The following CCT2 variants were observed in gnomAD, a reference collection of about 807,000 sequenced individuals.
CCT2 encodes chaperonin containing TCP1 subunit 2.
CCT2 carries 18 observed loss-of-function variants against 61.8 expected under a neutral mutation model. The observed-to-expected ratio is 0.29, with a 90% confidence interval of 0.20 to 0.43. The LOEUF is 0.43. Among genes scored for constraint, CCT2 ranks in the 20% least tolerant of loss-of-function variants. The pLI, the probability that CCT2 is intolerant of heterozygous loss-of-function variation, is 1.00. For missense variants in CCT2, 556 were observed against 656.9 expected (o/e 0.85, Z 1.68); for synonymous variants, 248 against 215.9 (o/e 1.15, Z -1.30).
intron 10 of CCT2, 71 bp downstream of exon 10, chr12:69,593,684 G>A (rs764908037): frequency 2.9e-4 from 255 of 887,188 alleles, no homozygotes; most frequent in Non-Finnish European, 4.5e-4. Flanking sequence ...GTTACTATAT[G>A]CAACTACCTT....
chr12:69,588,054 C>A, intron 5 of CCT2, 48 bp downstream of exon 5: 1 of 1,547,108 alleles, frequency 6.5e-7, no homozygotes, highest in South Asian at 1.1e-5. Flanking sequence ...TTTTGAGTAT[C>A]AGAGGTAATC....
At chr12:69,585,708 G>A (rs564805236) in intron 1 of CCT2, 184 bp downstream of exon 1, 8 of 1,484,470 alleles carry the variant, frequency 5.4e-6, no homozygotes, top group East Asian at 5.0e-5. Context: ...CTCACCACGA[G>A]GGGGAGGGGT....
intron 8 of CCT2, 45 bp downstream of exon 8, chr12:69,592,204 G>A: frequency 8.9e-7 from 1 of 1,118,712 alleles, no homozygotes; most frequent in Non-Finnish European, 1.3e-6. Context: ...TGCCCAGGCA[G>A]AGTGGCTCAT....
chr12:69,588,077 C>G, intron 5 of CCT2, 71 bp downstream of exon 5: 1 of 1,541,782 alleles, frequency 6.5e-7, no homozygotes, highest in South Asian at 1.1e-5. Context: ...GTCCTTACTT[C>G]CTCTGTCTTT....
chr12:69,589,417 A>G, intron 6 of CCT2, 68 bp from the exon 7 acceptor site: 2 of 1,067,108 alleles, frequency 1.9e-6, no homozygotes, highest in Non-Finnish European at 2.8e-6. Flanking sequence ...ATCTATTGAC[A>G]TGAATATCTA....
intron 2 of CCT2, 85 bp downstream of exon 2, chr12:69,586,429 AG>A: frequency 1.1e-6 from 1 of 935,238 alleles, no homozygotes; most frequent in Non-Finnish European, 1.7e-6. Flanking sequence ...GTACTTTGGG[AG>A]GCCGAGGTAG....
In CCT2 at chr12:69,598,039, G is replaced by A; in HGVS notation, c.1303G>A (p.Ala435Thr). The A allele has an allele frequency of 1.2e-6, 2 of 1,613,580 alleles. No individual in the cohort carries two copies. Among genetic ancestry groups the A allele is most frequent in the Non-Finnish European group, 1.7e-6 (2 of 1,179,554 alleles). The change falls in exon 13 of 16, where the codon GCA becomes ACA. Residue 435 changes from alanine to threonine, a missense_variant. Transcript: ENST00000299300. ...ANRTPGKEAV[A>T]MESYAKALRM... ...TAGAACACCAGGCAAAGAAGCTGTT[G>A]CAATGGAGTCTTATGCTAAAGCACT...
intron 7 of CCT2, among the ~76,000 whole-genome samples, chr12:69,591,006 A>G (rs1881819418): frequency 6.6e-6 from 1 of 152,184 alleles, no homozygotes; most frequent in African/African-American, 2.4e-5. Flanking sequence ...GGCGTGAGCC[A>G]CCATGCCTGG....
In CCT2 at chr12:69,588,242, G is replaced by A. The variant is rs1373148284; in HGVS notation, c.426G>A (p.Leu142=). Residue 142 remains leucine, a synonymous_variant, in exon 6 of 16, where the codon TTG becomes TTA. Transcript: ENST00000299300. Reference sequence around the variant, plus strand: ...CGAAGGCTGCAAGAGAGGCGCTGTTGAGTTCTGCAGTTGATCATGGGTTTG... The same window carrying A: ...CGAAGGCTGCAAGAGAGGCGCTGTTAAGTTCTGCAGTTGATCATGGGTTTG... ...EATKAAREAL[L]SSAVDHGSDE... 3 of 1,613,306 alleles carry A rather than the reference G, an allele frequency of 1.9e-6. No homozygotes were observed. In the Admixed American group the frequency reaches 5.0e-5, roughly 27 times the overall value.
intron 11 of CCT2, 23 bp downstream of exon 11, chr12:69,597,298 G>C: frequency 6.2e-7 from 1 of 1,611,812 alleles, no homozygotes; most frequent in Non-Finnish European, 8.5e-7. Flanking sequence ...GTAGATCCTG[G>C]TTAGGGTGTC....
At chr12:69,586,000 T>G in intron 1 of CCT2, 1 of 1,344,964 alleles carries the variant, frequency 7.4e-7, no homozygotes, top group Non-Finnish European at 9.5e-7. Flanking sequence ...AGATCGTCTT[T>G]AGTCTCGCTG....
intron 8 of CCT2, chr12:69,592,511 G>T: frequency 5.6e-6 from 1 of 178,038 alleles, no homozygotes. Flanking sequence ...AAAAATTGCT[G>T]GATTCTATAA....
Position 69,593,628 on chromosome 12 carries a change from T to C in CCT2, c.982+15T>C. The C allele has an allele frequency of 6.8e-7, 1 of 1,476,630 alleles. No homozygotes were observed. Among genetic ancestry groups the C allele is most frequent in the Non-Finnish European group, 9.5e-7 (1 of 1,057,788 alleles). The allele number at this position is 1,476,630 out of a possible 1,614,324, so 91.5% of individuals were successfully genotyped here. A position where few individuals can be genotyped will look rare whatever the true frequency, so the allele number is the denominator to read the frequency against. On this transcript the variant is annotated intron_variant, in intron 10 of 15. Coordinates refer to ENST00000299300, the MANE Select transcript of CCT2 (RefSeq NM_006431.3). ...TCTTGTCACAGGTATGGAAAAAAGGTATTGTTTTCTAACAAACACAATAGT... is the reference window on the plus strand; with the variant it reads ...TCTTGTCACAGGTATGGAAAAAAGGCATTGTTTTCTAACAAACACAATAGT...
chr12:69,591,402 C>T (rs951759476), intron 7 of CCT2, among the ~76,000 whole-genome samples: 1 of 152,096 alleles, frequency 6.6e-6, no homozygotes, highest in Non-Finnish European at 1.5e-5. Flanking sequence ...GTTATATAGC[C>T]AGCAGCAGGG....
At position 69,587,952 on chromosome 12, in the gene CCT2, T is replaced by G; in HGVS notation, c.279T>G (p.Asp93Glu). The change falls in exon 5 of 16, where the codon GAT becomes GAG. Residue 93 changes from aspartate to glutamate, a missense_variant. Asp to Glu is a conservative substitution (Grantham distance 45). Transcript: ENST00000299300. The part of the protein sequence containing the change: ...VLVDMSRVQD[D>E]EVGDGTTSVT... ...TAGATATGTCAAGGGTTCAAGATGATGAAGTTGGTGATGGCACTACCTCTG... is the reference window on the plus strand; with the variant it reads ...TAGATATGTCAAGGGTTCAAGATGAGGAAGTTGGTGATGGCACTACCTCTG... 6.2e-7 allele frequency: 1 copy of G among 1,613,388 alleles called. No individual in the cohort carries two copies. The highest frequency in any genetic ancestry group is 8.5e-7 in the Non-Finnish European group (1 of 1,179,326).
chr12:69,592,606 T>C (rs1471535898), intron 8 of CCT2: 1 of 189,924 alleles, frequency 5.3e-6, no homozygotes, highest in African/African-American at 2.4e-5. Flanking sequence ...GGTAAAAATG[T>C]TGAAATATGC....
intron 14 of CCT2, chr12:69,599,605 T>TC (rs1882090970): frequency 4.8e-6 from 1 of 210,512 alleles, no homozygotes; most frequent in South Asian, 1.6e-4. Flanking sequence ...CAGGCTGGTC[T>TC]CCAACTCCTG....
At position 69,601,569 on chromosome 12, in the gene CCT2, T is replaced by TA. The variant is rs1339025122; in HGVS notation, c.*245dup. The TA allele has an allele frequency of 7.0e-6, 9 of 1,280,440 alleles. No homozygotes were observed. Among genetic ancestry groups the TA allele is most frequent in the African/African-American group, 3.0e-5 (2 of 65,814 alleles). 79.3% of individuals were successfully genotyped at this position (1,280,440 alleles called of 1,614,324 possible). A position where few individuals can be genotyped will look rare whatever the true frequency, so the allele number is the denominator to read the frequency against. ...GCATTAAAATAAAAATTTGAACAATTACTTGGTTCTTATGTCTTATATGTG... is the reference window on the plus strand; with the variant it reads ...GCATTAAAATAAAAATTTGAACAATTAACTTGGTTCTTATGTCTTATATGTG... On this transcript the variant is annotated 3_prime_UTR_variant, in exon 16 of 16. Coordinates refer to ENST00000299300, the MANE Select transcript of CCT2 (RefSeq NM_006431.3).
rs1368993238 is a variant in CCT2 at position 69,587,581 on chromosome 12, T to G, written c.221T>G (p.Ile74Ser). 6.2e-7 allele frequency: 1 copy of G among 1,613,204 alleles called. No individual in the cohort carries two copies. ...TNDGATILKN[I>S]GVDNPAAKVL... ...GATGGTGCCACTATTCTAAAAAACA[T>G]TGGTGTTGACAATCCAGCAGCTAAA... Residue 74 changes from isoleucine (I) to serine (S), a missense_variant, in exon 4 of 16, where the codon ATT becomes AGT. Ile to Ser is a moderately radical substitution (Grantham distance 142, BLOSUM62 -2). Coordinates refer to ENST00000299300, the MANE Select transcript of CCT2 (RefSeq NM_006431.3).
Sources: allele counts gnomAD v4.1 joint callset (sites outside exome capture counted in the v4.1 genomes callset), GRCh38; gene constraint gnomAD v4.1.1; transcripts MANE v1.5; gene names NCBI Gene and HGNC (gene_info 2026-07-23, HGNC 2026-07-21).